Variants in KLHL13 observed in about 807,000 individuals in gnomAD.
KLHL13 encodes the protein kelch like family member 13, also known as kelch-like protein 13.
In KLHL13, 10 loss-of-function variants were observed where a neutral mutation model predicts 37.1. The ratio of observed to expected loss-of-function variants is 0.27; its 90% CI spans 0.17 to 0.46. The LOEUF is 0.46. Among genes scored for constraint, KLHL13 ranks in the 20% least tolerant of loss-of-function variants. KLHL13 has a pLI of 1.00. For synonymous variants in KLHL13, 163 were observed against 181.2 expected (o/e 0.90, Z 0.81); for missense variants, 360 against 509.3 (o/e 0.71, Z 2.82).
chrX:117,974,205 T>C (rs1185177383), upstream of KLHL13, among the ~76,000 whole-genome samples: 1 of 111,912 alleles, frequency 8.9e-6, no homozygotes, highest in East Asian at 2.8e-4. Context: ...ACTGTTTATT[T>C]ACAGGCTGAA....
At chrX:118,086,721 A>T (rs995219548) in intron 1 of KLHL13, among the ~76,000 whole-genome samples, 1 of 111,850 alleles carries the variant, frequency 8.9e-6, no homozygotes, top group Non-Finnish European at 1.9e-5. Context: ...AAATAAACAA[A>T]ATGATAACAA....
chrX:118,023,754 T>C (rs755590131), intron 1 of KLHL13, among the ~76,000 whole-genome samples: 1 of 110,953 alleles, frequency 9.0e-6, no homozygotes, highest in Non-Finnish European at 1.9e-5. Flanking sequence ...GTATTTTTAG[T>C]AGAGACAGGA....
In KLHL13 at chrX:118,005,435, A is replaced by C. The variant is rs1020752230; in HGVS notation, c.-55-59860T>G. Among the ~76,000 whole-genome samples, 4 of 111,854 alleles carry C rather than the reference A, an allele frequency of 3.6e-5. No individual in the cohort carries two copies. In the Admixed American group the frequency reaches 3.8e-4, roughly 11 times the overall value. ...TGGTAGGCAGAATAATGGGTCCCCA[A>C]AGATGTCCACATCTTAATTCCTGGG... On this transcript the variant is annotated intron_variant, in intron 1 of 6. Coordinates refer to the KLHL13 transcript ENST00000371882.
chrX:117,923,184 A>G (rs1031493795), intron 2 of KLHL13, among the ~76,000 whole-genome samples: 1 of 112,000 alleles, frequency 8.9e-6, no homozygotes, highest in East Asian at 2.8e-4. Context: ...TTGTACATAC[A>G]CTTAGCTGTC....
intron 1 of KLHL13, chrX:117,947,391 A>T (rs893199242): frequency 8.9e-6 from 1 of 112,219 alleles, no homozygotes; most frequent in Non-Finnish European, 1.9e-5. Flanking sequence ...TTCCAAAGAC[A>T]TTTCTTTATT....
intron 2 of KLHL13, among the ~76,000 whole-genome samples, chrX:117,939,095 C>T (rs1046711947): frequency 9.1e-6 from 1 of 110,197 alleles, no homozygotes; most frequent in Non-Finnish European, 1.9e-5. Context: ...CCCCTAGCCC[C>T]CCACCCCCTG....
At chrX:117,908,811 G>T (rs1930768469) in intron 5 of KLHL13, among the ~76,000 whole-genome samples, 1 of 111,952 alleles carries the variant, frequency 8.9e-6, no homozygotes, top group African/African-American at 3.2e-5. Context: ...GGATAATGTT[G>T]AACTTTGTAC....
chrX:118,097,176 A>C (rs1467615317), intron 1 of KLHL13, among the ~76,000 whole-genome samples: 1 of 111,535 alleles, frequency 9.0e-6, no homozygotes, highest in East Asian at 2.8e-4. Flanking sequence ...ATATCTAGAA[A>C]ACCCCATTGT....
rs761534411 is a variant in KLHL13, at chrX:118,032,463, AC to A, written c.-56+84044del. 1.7e-3 allele frequency among the ~76,000 whole-genome samples: 186 copies of A among 111,269 alleles called. 1 individual carries two copies. The highest frequency in any genetic ancestry group is 0.015 in the South Asian group (38 of 2,591). On this transcript the variant is annotated intron_variant, in intron 1 of 6. Transcript: ENST00000371882. ...CCCCCAAGCAGCCTAACTGGGAGGCACCCCCCAGCAGGGGCAGCCTGACACC... is the reference window on the plus strand; with the variant it reads ...CCCCCAAGCAGCCTAACTGGGAGGCACCCCCAGCAGGGGCAGCCTGACACC...
intron 1 of KLHL13, chrX:118,028,494 T>C (rs771646762): frequency 7.1e-4 from 737 of 1,042,131 alleles, no homozygotes; most frequent in Non-Finnish European, 9.2e-4. Context: ...AGTTGGATAA[T>C]GACCTGTTCA....
rs778244187 is a variant in KLHL13, at chrX:118,092,869, C to G, written c.-56+23639G>C. Reference sequence around the variant, plus strand: ...TTTGGGGAAACTGGGTGACAGGTACCCAGGACCTCTCTGTACTATCTTTGC... The same window carrying G: ...TTTGGGGAAACTGGGTGACAGGTACGCAGGACCTCTCTGTACTATCTTTGC... On this transcript the variant is annotated intron_variant, in intron 1 of 6. Coordinates refer to the KLHL13 transcript ENST00000371882. 2.7e-5 allele frequency among the ~76,000 whole-genome samples: 3 copies of G among 111,515 alleles called. No homozygotes were observed. The South Asian group carries it at 1.1e-3, about 42-fold the overall frequency.
chrX:118,087,614 T>C (rs917977884), intron 1 of KLHL13, among the ~76,000 whole-genome samples: 7 of 111,509 alleles, frequency 6.3e-5, no homozygotes, highest in Non-Finnish European at 1.1e-4. Flanking sequence ...ACTTCTTTCC[T>C]TTTATGTATG....
chrX:118,012,784 T>G, intron 1 of KLHL13, among the ~76,000 whole-genome samples: 1 of 111,443 alleles, frequency 9.0e-6, no homozygotes, highest in East Asian at 2.8e-4. Flanking sequence ...TTCTTTTCTT[T>G]GTAAGTGAAT....
In KLHL13 at chrX:118,022,794, G is replaced by A. The variant is rs913922084; in HGVS notation, c.-55-77219C>T. On this transcript the variant is annotated intron_variant, in intron 1 of 6. Coordinates refer to the KLHL13 transcript ENST00000371882. Reference sequence around the variant, plus strand: ...CTCCCAATATGTAGGCTGCCTTTTCGTTTTGTTTATTGTTTTCCTTCCCAT... The same window carrying A: ...CTCCCAATATGTAGGCTGCCTTTTCATTTTGTTTATTGTTTTCCTTCCCAT... 6.3e-5 allele frequency among the ~76,000 whole-genome samples: 7 copies of A among 111,536 alleles called. No homozygotes were observed. In the East Asian group the frequency reaches 8.4e-4, roughly 13 times the overall value.
intron 1 of KLHL13, among the ~76,000 whole-genome samples, chrX:118,020,038 T>C (rs2054183526): frequency 9.0e-6 from 1 of 110,659 alleles, no homozygotes; most frequent in Non-Finnish European, 1.9e-5. Context: ...AGAAAGTCAT[T>C]GGTAGCTTGA....
Position 118,003,064 on chromosome X carries a change from G to GAAGC in KLHL13, c.-55-57490_-55-57489insGCTT, listed in dbSNP as rs1469804954. Among the ~76,000 whole-genome samples, 30 of 112,508 alleles carry GAAGC rather than the reference G, an allele frequency of 2.7e-4. 1 individual carries two copies. The highest frequency in any genetic ancestry group is 7.5e-4 in the Admixed American group (8 of 10,667). On this transcript the variant is annotated intron_variant, in intron 1 of 6. Transcript: ENST00000371882. The stretch of plus-strand genomic sequence containing the variant: ...CAGAGTACCAAAATGAGAAGCAGCA[G>GAAGC]AAACTGAGGCTAGAAAGGAAATCTG...
chrX:118,054,386 T>C (rs2054664173), intron 1 of KLHL13, among the ~76,000 whole-genome samples: 1 of 111,453 alleles, frequency 9.0e-6, no homozygotes, highest in African/African-American at 3.3e-5. Flanking sequence ...TCTTGAAATC[T>C]AGATGCAAGC....
chrX:118,002,108 C>A (rs181877946), intron 1 of KLHL13, among the ~76,000 whole-genome samples: 23 of 111,353 alleles, frequency 2.1e-4, no homozygotes, highest in African/African-American at 7.5e-4. Flanking sequence ...CATCTATAAA[C>A]AAGACAATAA....
chrX:117,988,857 T>C (rs968831499), intron 1 of KLHL13, among the ~76,000 whole-genome samples: 2 of 111,946 alleles, frequency 1.8e-5, no homozygotes, highest in African/African-American at 6.5e-5. Context: ...AACTACTTAA[T>C]AGGTATGAAT....
Sources: allele counts gnomAD v4.1 joint callset (sites outside exome capture counted in the v4.1 genomes callset), GRCh38; gene constraint gnomAD v4.1.1; transcripts MANE v1.5; gene names NCBI Gene and HGNC (gene_info 2026-07-23, HGNC 2026-07-21).